Variants in CD109 observed in about 807,000 individuals in gnomAD.
CD109 encodes CD109 molecule.
In CD109, 149 loss-of-function variants were observed where a neutral mutation model predicts 165.8. The ratio of observed to expected loss-of-function variants is 0.90; its 90% confidence interval spans 0.79 to 1.03. The LOEUF (loss-of-function observed/expected upper bound fraction) is 1.03, where lower values mean the gene tolerates loss of function less well. CD109 is among the 50% of genes least tolerant of loss of function. The pLI, the probability that CD109 is intolerant of heterozygous loss-of-function variation, is 0.00. For missense variants in CD109, 1,712 were observed against 1,677.8 expected (o/e 1.02, Z -0.36); for synonymous variants, 585 against 592.1 (o/e 0.99, Z 0.18).
intron 2 of CD109, among the ~76,000 whole-genome samples, chr6:73,705,669 G>A (rs944057470): frequency 6.0e-5 from 9 of 149,460 alleles, no homozygotes; most frequent in African/African-American, 1.7e-4. Context: ...AATAGACAAC[G>A]AGCAATCAGA....
chr6:73,761,814 C>T (rs1272862854), intron 7 of CD109, among the ~76,000 whole-genome samples: 6 of 151,954 alleles, frequency 3.9e-5, no homozygotes, highest in Non-Finnish European at 8.8e-5. Flanking sequence ...AGCCACCGTG[C>T]CCATCCAGGA....
intron 2 of CD109, among the ~76,000 whole-genome samples, chr6:73,709,700 C>T (rs1386786601): frequency 3.3e-5 from 5 of 152,084 alleles, no homozygotes; most frequent in Non-Finnish European, 5.9e-5. Context: ...CAATAAAATA[C>T]CGGCAAACCA....
At chr6:73,764,775 C>T (rs1773770106) in intron 10 of CD109, among the ~76,000 whole-genome samples, 1 of 146,114 alleles carries the variant, frequency 6.8e-6, no homozygotes. Flanking sequence ...GAGATTGCGC[C>T]ATTGCACTCC....
In CD109 at chr6:73,776,409, G is replaced by T. The variant is rs151191245; in HGVS notation, c.1828-4015G>T. On this transcript the variant is annotated intron_variant, in intron 15 of 32. Coordinates refer to ENST00000287097, the MANE Select transcript of CD109 (RefSeq NM_133493.5). ...CTGGGACTACAGGTGTCGCCTCCAC[G>T]CCTGGCTAATTTTTAAACTTTTTTA... Among the ~76,000 whole-genome samples, 167 of 148,886 alleles carry T rather than the reference G, an allele frequency of 1.1e-3. 1 individual carries two copies. The highest frequency in any genetic ancestry group is 4.0e-3 in the African/African-American group (161 of 40,318).
At position 73,825,809 on chromosome 6, in the gene CD109, C is replaced by T. The variant is rs190642479; in HGVS notation, c.*2176C>T. The T allele has an allele frequency of 6.6e-6, 1 of 152,040 alleles. No individual in the cohort carries two copies. The highest frequency in any genetic ancestry group is 2.4e-5 in the African/African-American group (1 of 41,356). 9.4% of individuals were successfully genotyped at this position (152,040 alleles called of 1,614,324 possible). The stretch of plus-strand genomic sequence containing the variant: ...CCTGGCCAATATGGTGAAACCCCGT[C>T]CCTACTAAAAATACAAAATTTAGCC... On this transcript the variant is annotated 3_prime_UTR_variant, in exon 33 of 33. Transcript: ENST00000287097.
Position 73,825,504 on chromosome 6 carries a change from A to G in CD109, c.*1871A>G, listed in dbSNP as rs908313094. 6.6e-6 allele frequency: 1 copy of G among 152,198 alleles called. No individual in the cohort carries two copies. The highest frequency in any genetic ancestry group is 1.5e-5 in the Non-Finnish European group (1 of 68,040). The allele number at this position is 152,198 out of a possible 1,614,324, so 9.4% of individuals were successfully genotyped here. ...CTGGCCTGGGAACCTTATACTGACA[A>G]TCAATACTTTATATTTTAAAGTATA... On this transcript the variant is annotated 3_prime_UTR_variant, in exon 33 of 33. Coordinates refer to ENST00000287097, the MANE Select transcript of CD109 (RefSeq NM_133493.5).
chr6:73,736,450 CT>C lies in CD109; in HGVS notation c.579del (p.Gln194SerfsTer17). 1 of 1,613,866 alleles carries C rather than the reference CT, an allele frequency of 6.2e-7. No individual in the cohort carries two copies. Among genetic ancestry groups the C allele is most frequent in the Non-Finnish European group, 8.5e-7 (1 of 1,179,832 alleles). On this transcript the variant is annotated frameshift_variant, in exon 5 of 33. Coordinates refer to ENST00000287097, the MANE Select transcript of CD109 (RefSeq NM_133493.5). LOFTEE classifies it high-confidence loss of function. ...AGTGATCTTGGAGTCATTTCCAAAA[CT>C]TTTCAGCTATCTTCCCATCCAATAC... ...QQSDLGVISK[T>X]FQLSSHPILG...
At chr6:73,744,976 A>G (rs1257305527) in intron 5 of CD109, among the ~76,000 whole-genome samples, 3 of 152,222 alleles carry the variant, frequency 2.0e-5, no homozygotes, top group Non-Finnish European at 4.4e-5. Flanking sequence ...AGAATCTGAG[A>G]TAAGTGACGT....
intron 23 of CD109, among the ~76,000 whole-genome samples, chr6:73,802,305 A>ATATATATATATTTTTTT (rs1554183463): frequency 1.1e-4 from 5 of 47,608 alleles, no homozygotes; most frequent in African/African-American, 4.3e-4. Context: ...ATATATATAT[A>ATATATATATATTTTTTT]TTTTTTTTTT....
Position 73,696,295 on chromosome 6 carries a change from A to T in CD109, c.74+6A>T, listed in dbSNP as rs955257876. 1.4e-5 allele frequency: 21 copies of T among 1,500,224 alleles called. No homozygotes were observed. The highest frequency in any genetic ancestry group is 2.0e-4 in the Middle Eastern group (1 of 4,942). 92.9% of individuals were successfully genotyped at this position (1,500,224 alleles called of 1,614,324 possible). A position where few individuals can be genotyped will look rare whatever the true frequency, so the allele number is the denominator to read the frequency against. ...GCGCTGGCCGTGGCTCCCGGGTAGG[A>T]ACGTGGGCGCGCGGGGGGCGCGCGG... On this transcript the variant is annotated splice_donor_region_variant and intron_variant, in intron 1 of 32. Coordinates refer to ENST00000287097, the MANE Select transcript of CD109 (RefSeq NM_133493.5).
chr6:73,784,410 G>T (rs1213912107), intron 19 of CD109, among the ~76,000 whole-genome samples: 1 of 152,168 alleles, frequency 6.6e-6, no homozygotes, highest in Non-Finnish European at 1.5e-5. Flanking sequence ...GAATTAGATT[G>T]TAAGCTCAGG....
chr6:73,766,440 T>A (rs781124213), intron 11 of CD109, among the ~76,000 whole-genome samples: 1 of 151,928 alleles, frequency 6.6e-6, no homozygotes, highest in Non-Finnish European at 1.5e-5. Context: ...GGTCAGTCAT[T>A]TGAAATTTTA....
At chr6:73,804,778 T>C (rs1165921858) in intron 24 of CD109, among the ~76,000 whole-genome samples, 1 of 152,218 alleles carries the variant, frequency 6.6e-6, no homozygotes, top group Non-Finnish European at 1.5e-5. Context: ...GAGCTCTTCT[T>C]TGGTAAATAT....
chr6:73,693,593 C>G (rs1000310595), upstream of CD109, among the ~76,000 whole-genome samples: 15 of 152,206 alleles, frequency 9.9e-5, no homozygotes, highest in African/African-American at 3.1e-4. Context: ...CTCTGTCACC[C>G]AGACTGGAGT....
At chr6:73,794,937 A>G (rs1775104467) in intron 23 of CD109, among the ~76,000 whole-genome samples, 1 of 151,788 alleles carries the variant, frequency 6.6e-6, no homozygotes, top group Non-Finnish European at 1.5e-5. Context: ...AAATTTTATT[A>G]TAATTAAATT....
chr6:73,762,754 C>A lies in CD109; in HGVS notation c.869C>A (p.Ala290Glu). The A allele has an allele frequency of 6.2e-7, 1 of 1,601,450 alleles. No homozygotes were observed. The highest frequency in any genetic ancestry group is 1.7e-5 in the Admixed American group (1 of 58,534). ...ITKTFKINGS[A>E]NFSFNDEEMK... ...TAAACAAAACAGATAAATGGATCTG[C>A]AAACTTCTCTTTTAATGATGAAGAG... is the stretch of plus-strand genomic sequence containing the variant. The change falls in exon 9 of 33, where the codon GCA (alanine) becomes GAA (glutamate). Residue 290 changes from alanine (A) to glutamate (E), a missense_variant. Transcript: ENST00000287097.
In CD109 at chr6:73,818,375, C is replaced by A; in HGVS notation, c.3912-13C>A. Reference sequence around the variant, plus strand: ...CCTGAGGAGTTTTCATTCATCCTCCCTCTTTGATTTAGCTTTTCGGGCCCG... The same window carrying A: ...CCTGAGGAGTTTTCATTCATCCTCCATCTTTGATTTAGCTTTTCGGGCCCG... On this transcript the variant is annotated splice_polypyrimidine_tract_variant and intron_variant, in intron 30 of 32. Coordinates refer to ENST00000287097, the MANE Select transcript of CD109 (RefSeq NM_133493.5). 6.2e-7 allele frequency: 1 copy of A among 1,613,568 alleles called. No homozygotes were observed. The highest frequency in any genetic ancestry group is 1.1e-5 in the South Asian group (1 of 91,050).
chr6:73,688,562 A>G, the CD109 span, among the ~76,000 whole-genome samples: 1 of 152,206 alleles, frequency 6.6e-6, no homozygotes, highest in East Asian at 1.9e-4. Context: ...CTTTTGTACT[A>G]ATGAGGTAAC....
chr6:73,748,820 T>A (rs1773078361), intron 5 of CD109, among the ~76,000 whole-genome samples: 1 of 152,256 alleles, frequency 6.6e-6, no homozygotes, highest in Admixed American at 6.5e-5. Flanking sequence ...GAAAGGATGA[T>A]GTAAATGTTA....
Sources: gnomAD v4.1 joint callset for allele counts (sites outside exome capture counted in the v4.1 genomes callset) on GRCh38, gnomAD v4.1.1 for gene constraint, MANE v1.5 for transcripts, NCBI Gene and HGNC (gene_info 2026-07-23, HGNC 2026-07-21) for gene names.